Variants in NEMF observed in about 807,000 individuals in gnomAD.
NEMF encodes nuclear export mediator factor, also known as ribosome quality control complex subunit NEMF.
NEMF carries 89 observed loss-of-function variants against 162.2 expected under a neutral mutation model. The observed-to-expected ratio is 0.55, with a 90% confidence interval of 0.46 to 0.65. The LOEUF (loss-of-function observed/expected upper bound fraction) is 0.65. NEMF is among the 30% of genes least tolerant of loss of function. The pLI, the probability that NEMF is intolerant of heterozygous loss-of-function variation, is 0.00. For synonymous variants in NEMF, 421 were observed against 404.5 expected (o/e 1.04, Z -0.49); for missense variants, 1,133 against 1,261.9 (o/e 0.90, Z 1.55).
chr14:49,843,447 T>C (rs1893315322), intron 4 of NEMF, among the ~76,000 whole-genome samples: 1 of 152,114 alleles, frequency 6.6e-6, no homozygotes, highest in African/African-American at 2.4e-5. Context: ...TAAGCCCTGA[T>C]CATGCCACTG....
rs892673487 is a variant in NEMF, at chr14:49,802,485, C to T, written c.2063G>A (p.Ser688Asn). The change falls in exon 22 of 33, where the codon AGT becomes AAT. Residue 688 changes from serine (S) to asparagine (N), a missense_variant. By Grantham distance (46) the Ser-to-Asn change is conservative. Around this residue, in one of 3 missense-constraint regions of NEMF, gnomAD observed 532 missense variants for 578.6 expected, o/e 0.92. Coordinates refer to ENST00000298310, the MANE Select transcript of NEMF (RefSeq NM_004713.6). The part of the protein sequence containing the change: ...EDMETLASCT[S>N]ELISEEMEQL... ...TTCCATTTCTTCTGATATGAGTTCA[C>T]TTGTACAACTTGCCAGTGTCTCCAT... 3.7e-6 allele frequency: 6 copies of T among 1,613,822 alleles called. No individual in the cohort carries two copies. The Admixed American group carries it at 5.0e-5, about 13-fold the overall frequency.
At chr14:49,791,034 G>A (rs1890417891) in intron 26 of NEMF, among the ~76,000 whole-genome samples, 1 of 152,138 alleles carries the variant, frequency 6.6e-6, no homozygotes, top group African/African-American at 2.4e-5. Flanking sequence ...TTCTTAGCAA[G>A]TGGCAAGCAT....
At chr14:49,827,451 TGCTGGAATTACAGG>T (rs1892412815) in intron 15 of NEMF, among the ~76,000 whole-genome samples, 14 of 151,878 alleles carry the variant, frequency 9.2e-5, no homozygotes, top group Admixed American at 8.5e-4. Flanking sequence ...CCTTCCAAAG[TGCTGGAATTACAGG>T]CGTCAACCAC....
Position 49,834,315 on chromosome 14 carries a change from T to A in NEMF, c.661+48A>T, listed in dbSNP as rs187891783. On this transcript the variant is annotated intron_variant, in intron 7 of 32. Transcript: ENST00000298310. ...ATTACTTTCCCAGAAAAAATTTTCA[T>A]AGTTTAAAAAAAATGAAATAAATGA... 3.0e-6 allele frequency: 4 copies of A among 1,345,570 alleles called. No homozygotes were observed. The South Asian group carries it at 4.8e-5, about 16-fold the overall frequency. 83.4% of individuals were successfully genotyped at this position (1,345,570 alleles called of 1,614,324 possible).
chr14:49,782,655 C>T lies in NEMF; in HGVS notation c.*1981G>A. ...AAATTGTGTTTCCTAAGACTTAGCACTCTCGAAAAACTAGGTTTATGGATT... is the reference window on the plus strand; with the variant it reads ...AAATTGTGTTTCCTAAGACTTAGCATTCTCGAAAAACTAGGTTTATGGATT... On this transcript the variant is annotated 3_prime_UTR_variant, in exon 33 of 33. Transcript: ENST00000298310. The T allele has an allele frequency of 7.0e-7, 1 of 1,433,772 alleles. No individual in the cohort carries two copies. Among genetic ancestry groups the T allele is most frequent in the South Asian group, 1.3e-5 (1 of 78,650 alleles). The allele number at this position is 1,433,772 out of a possible 1,614,324, so 88.8% of individuals were successfully genotyped here. A position where few individuals can be genotyped will look rare whatever the true frequency, so the allele number is the denominator to read the frequency against.
intron 18 of NEMF, among the ~76,000 whole-genome samples, chr14:49,808,731 G>A (rs778241577): frequency 1.6e-4 from 24 of 150,754 alleles, no homozygotes; most frequent in Non-Finnish European, 2.9e-4. Context: ...CCATACTACC[G>A]TTAAAAAGTT....
At chr14:49,791,203 CGTGT>C (rs1890430390) in intron 26 of NEMF, among the ~76,000 whole-genome samples, 1 of 151,954 alleles carries the variant, frequency 6.6e-6, no homozygotes, top group Non-Finnish European at 1.5e-5. Context: ...GGTGTGGTGG[CGTGT>C]GCCTGTAGTG....
At chr14:49,785,457 C>G (rs1167145311) in intron 29 of NEMF, 137 bp from the exon 30 acceptor site, 1 of 640,892 alleles carries the variant, frequency 1.6e-6, no homozygotes, top group Admixed American at 2.6e-5. Flanking sequence ...AACAGTGGTA[C>G]TTAAACTCTG....
In NEMF at chr14:49,784,992, G is replaced by A. The variant is rs1391383940; in HGVS notation, c.3086C>T (p.Ala1029Val). 1 of 1,613,600 alleles carries A rather than the reference G, an allele frequency of 6.2e-7. No individual in the cohort carries two copies. The highest frequency in any genetic ancestry group is 1.7e-5 in the Admixed American group (1 of 59,998). Residue 1029 changes from alanine (A) to valine (V), a missense_variant, in exon 32 of 33, where the codon GCC becomes GTC. Around this residue, in one of 3 missense-constraint regions of NEMF, gnomAD observed 532 missense variants for 578.6 expected, o/e 0.92. Coordinates refer to ENST00000298310, the MANE Select transcript of NEMF (RefSeq NM_004713.6). The stretch of plus-strand genomic sequence containing the variant: ...TTTGGAATGCATGAAACTATTCAAG[G>A]CTGTTTTTGCAGCTGTAAATACAAA... ...VQKKGKAAKT[A>V]LNSFMHSKEA...
intron 16 of NEMF, chr14:49,820,496 C>T (rs1390690449): frequency 1.5e-5 from 7 of 455,926 alleles, no homozygotes; most frequent in Middle Eastern, 3.2e-4. Context: ...CGGCTGGGCG[C>T]GGTGGCTCAT....
At chr14:49,789,660 T>A (rs1299284597) in intron 26 of NEMF, 87 bp from the exon 27 acceptor site, 1 of 1,517,918 alleles carries the variant, frequency 6.6e-7, no homozygotes, top group African/African-American at 1.4e-5. Context: ...TTACTTTATA[T>A]TCTCTGTCAA....
chr14:49,852,745 G>A lies in NEMF; in HGVS notation c.9C>T (p.Ser3=), dbSNP rs751634203. The stretch of plus-strand genomic sequence containing the variant: ...CGCGGAGGTCAATGGTGCTAAAGCG[G>A]CTCTTCATGGCGAGGCCCGAGGGTC... MK[S]RFSTIDLRAV... is the part of the protein sequence containing the mutation. Residue 3 remains serine (S), a synonymous_variant, in exon 1 of 33, where the codon AGC becomes AGT. Transcript: ENST00000298310. 49 of 1,614,224 alleles carry A rather than the reference G, an allele frequency of 3.0e-5. No homozygotes were observed. In the South Asian group the frequency reaches 4.0e-4, roughly 13 times the overall value.
At chr14:49,846,057 T>C (rs1893484171) in intron 4 of NEMF, 83 bp downstream of exon 4, 2 of 1,172,356 alleles carry the variant, frequency 1.7e-6, no homozygotes, top group East Asian at 2.4e-5. Flanking sequence ...AAAAAAAATG[T>C]TCCCCCACTC....
intron 25 of NEMF, 72 bp downstream of exon 25, chr14:49,799,403 G>T: frequency 8.0e-7 from 1 of 1,250,800 alleles, no homozygotes; most frequent in Non-Finnish European, 1.1e-6. Flanking sequence ...TAAGTAATCT[G>T]TGGTAGCTGA....
intron 20 of NEMF, among the ~76,000 whole-genome samples, 192 bp from the exon 21 acceptor site, chr14:49,802,919 T>A (rs1211506291): frequency 6.6e-6 from 1 of 152,138 alleles, no homozygotes; most frequent in Non-Finnish European, 1.5e-5. Context: ...AAGTAAAAAA[T>A]ATACACACTT....
chr14:49,852,656 G>A (rs115501545), intron 1 of NEMF, 39 bp downstream of exon 1: 2 of 1,608,080 alleles, frequency 1.2e-6, no homozygotes, highest in African/African-American at 1.3e-5. Flanking sequence ...TCTGCCTCCT[G>A]CACTCCCCAC....
At chr14:49,803,527 TC>T (rs1427105118) in intron 19 of NEMF, among the ~76,000 whole-genome samples, 3 of 151,310 alleles carry the variant, frequency 2.0e-5, no homozygotes, top group African/African-American at 7.3e-5. Flanking sequence ...TAATTTTCTT[TC>T]TTTTTTTTTT....
rs573308634 is a variant in NEMF, at chr14:49,786,496, A to G, written c.2928+222T>C. ...CAAAACAACCCTCTCCTGGGTAGGG[A>G]CATTATCCCCATTCTTCAGATGAGG... On this transcript the variant is annotated intron_variant, in intron 29 of 32. Coordinates refer to ENST00000298310, the MANE Select transcript of NEMF (RefSeq NM_004713.6). 3 of 559,542 alleles carry G rather than the reference A, an allele frequency of 5.4e-6. No homozygotes were observed. The African/African-American group carries it at 5.7e-5, about 11-fold the overall frequency. 34.7% of individuals were successfully genotyped at this position (559,542 alleles called of 1,614,324 possible). A position where few individuals can be genotyped will look rare whatever the true frequency, so the allele number is the denominator to read the frequency against.
At chr14:49,826,793 T>C (rs1420862080) in intron 15 of NEMF, among the ~76,000 whole-genome samples, 1 of 152,028 alleles carries the variant, frequency 6.6e-6, no homozygotes, top group Non-Finnish European at 1.5e-5. Flanking sequence ...AATAAACATA[T>C]GTTGGGCTGG....
Sources: allele counts gnomAD v4.1 joint callset (sites outside exome capture counted in the v4.1 genomes callset), GRCh38; gene constraint gnomAD v4.1.1; regional missense constraint gnomAD v4.1.1; transcripts MANE v1.5; gene names NCBI Gene and HGNC (gene_info 2026-07-23, HGNC 2026-07-21).